MYO5C: variants seen among roughly 807,000 people sequenced by gnomAD.
MYO5C encodes myosin VC.
A neutral mutation model predicts 235.7 loss-of-function variants in MYO5C; 194 were observed. That is an observed-to-expected ratio of 0.82 (90% CI 0.73 to 0.93). The LOEUF (loss-of-function observed/expected upper bound fraction) is 0.93. Ranked by LOEUF, MYO5C falls within the 40% of genes least tolerant of loss-of-function variation. The pLI is 0.00. For synonymous variants in MYO5C, 707 were observed against 754.8 expected (o/e 0.94, Z 1.04); for missense variants, 2,038 against 2,127.2 (o/e 0.96, Z 0.82).
chr15:52,233,301 A>T lies in MYO5C; in HGVS notation c.2963-616T>A, dbSNP rs1398562623. ...CTCAAAAAAAAAAAAAAAAAAATTA[A>T]AAAAAAAAAAAAATAAATAAATAAA... is the stretch of plus-strand genomic sequence containing the variant. On this transcript the variant is annotated intron_variant, in intron 23 of 40. Coordinates refer to ENST00000261839, the MANE Select transcript of MYO5C (RefSeq NM_018728.4). 9.9e-5 allele frequency among the ~76,000 whole-genome samples: 14 copies of T among 141,856 alleles called. 6 individuals carry two copies. The highest frequency in any genetic ancestry group is 8.4e-4 in the Admixed American group (12 of 14,264). The allele number at this position is 141,856 out of a possible 152,430, so 93.1% of individuals were successfully genotyped here. A position where few individuals can be genotyped will look rare whatever the true frequency, so the allele number is the denominator to read the frequency against.
At position 52,286,753 on chromosome 15, in the gene MYO5C, G is replaced by T. The variant is rs1179787829; in HGVS notation, c.28-3861C>A. On this transcript the variant is annotated intron_variant, in intron 1 of 40. Coordinates refer to ENST00000261839, the MANE Select transcript of MYO5C (RefSeq NM_018728.4). ...AATGCTTGAAGGCAGCATGCTCGTT[G>T]AGAGTCATCACCACTCCCTAATCTC... Among the ~76,000 whole-genome samples, 6 of 151,838 alleles carry T rather than the reference G, an allele frequency of 4.0e-5. No homozygotes were observed. The South Asian group carries it at 1.2e-3, about 31-fold the overall frequency.
chr15:52,273,864 C>T (rs1392590016), intron 5 of MYO5C, among the ~76,000 whole-genome samples: 1 of 152,056 alleles, frequency 6.6e-6, no homozygotes, highest in East Asian at 1.9e-4. Context: ...CTCATTCAGG[C>T]CCCAAATACC....
chr15:52,253,348 C>T lies in MYO5C; in HGVS notation c.1505G>A (p.Gly502Glu). The T allele has an allele frequency of 6.2e-7, 1 of 1,612,794 alleles. No individual in the cohort carries two copies. ...PVIDLIEAKM[G>E]ILELLDEECL... ...TTCTTCATCCAGTAACTCCAGAATT[C>T]CCATTTTTGCTTCAATCAGGTCAAT... Residue 502 changes from glycine (G) to glutamate (E), a missense_variant, in exon 12 of 41, where the codon GGA becomes GAA. Coordinates refer to ENST00000261839, the MANE Select transcript of MYO5C (RefSeq NM_018728.4).
Position 52,285,401 on chromosome 15 carries a change from CCCTCTCCCT to C in MYO5C, c.28-2518_28-2510del, listed in dbSNP as rs1204474481. ...AAAAAAACAAACAGGCTCTCGCTCT[CCCTCTCCCT>C]CCTCTCCCTCCTCTCCCTCTCCCTC... On this transcript the variant is annotated intron_variant, in intron 1 of 40. Transcript: ENST00000261839. 3.0e-4 allele frequency among the ~76,000 whole-genome samples: 39 copies of C among 131,040 alleles called. No individual in the cohort carries two copies. The East Asian group carries it at 4.7e-3, about 16-fold the overall frequency. The allele number at this position is 131,040 out of a possible 152,430, so 86.0% of individuals were successfully genotyped here.
chr15:52,204,796 G>A, intron 38 of MYO5C, 69 bp downstream of exon 38: 1 of 1,547,340 alleles, frequency 6.5e-7, no homozygotes, highest in Admixed American at 1.8e-5. Context: ...TCAGGCGCGT[G>A]GGGCCTCGGA....
chr15:52,194,362 A>C (rs1306321756), intron 40 of MYO5C, among the ~76,000 whole-genome samples: 2 of 152,208 alleles, frequency 1.3e-5, no homozygotes, highest in African/African-American at 4.8e-5. Flanking sequence ...AAGGTCAAAC[A>C]TGAGTAGATT....
intron 22 of MYO5C, 45 bp downstream of exon 22, chr15:52,237,435 CAG>C (rs764693703): frequency 8.9e-6 from 14 of 1,576,552 alleles, no homozygotes; most frequent in Middle Eastern, 3.4e-4. Flanking sequence ...ATCTTTTTCA[CAG>C]AGAGTCCGCA....
chr15:52,284,346 T>C (rs774939623), intron 1 of MYO5C, among the ~76,000 whole-genome samples: 34 of 151,816 alleles, frequency 2.2e-4, no homozygotes, highest in Admixed American at 1.4e-3. Context: ...CACAAATGAG[T>C]ACCTCCTATG....
At chr15:52,255,376 G>A (rs571783101) in intron 11 of MYO5C, among the ~76,000 whole-genome samples, 1 of 152,316 alleles carries the variant, frequency 6.6e-6, no homozygotes, top group African/African-American at 2.4e-5. Context: ...AACTGTTAGG[G>A]TATTAAAGTG....
chr15:52,250,029 T>G (rs904995168), intron 13 of MYO5C, among the ~76,000 whole-genome samples: 7 of 152,172 alleles, frequency 4.6e-5, no homozygotes, highest in Non-Finnish European at 7.3e-5. Context: ...AACTACATCC[T>G]ATAAAGAGAG....
chr15:52,253,191 T>C (rs1367218813), intron 12 of MYO5C, 126 bp downstream of exon 12: 1 of 982,562 alleles, frequency 1.0e-6, no homozygotes, highest in Non-Finnish European at 1.5e-6. Context: ...GTCCCAGCAT[T>C]AATATCCATC....
At chr15:52,288,883 C>T (rs1029184907) in intron 1 of MYO5C, among the ~76,000 whole-genome samples, 18 of 152,164 alleles carry the variant, frequency 1.2e-4, no homozygotes, top group African/African-American at 4.3e-4. Flanking sequence ...ACCACTGAAC[C>T]TTATGAGCTC....
At position 52,192,665 on chromosome 15, in the gene MYO5C, C is replaced by A. The variant is rs776397727; in HGVS notation, c.*1237G>T. 1.3e-5 allele frequency: 2 copies of A among 152,126 alleles called. No homozygotes were observed. Among genetic ancestry groups the A allele is most frequent in the Admixed American group, 6.6e-5 (1 of 15,260 alleles). The allele number at this position is 152,126 out of a possible 1,614,324, so 9.4% of individuals were successfully genotyped here. A position where few individuals can be genotyped will look rare whatever the true frequency, so the allele number is the denominator to read the frequency against. ...GAAGGAATGAGAAGGTGTGCCGGGA[C>A]AAGGAATAGCCAGTTCCCATAAAAC... On this transcript the variant is annotated 3_prime_UTR_variant, in exon 41 of 41. Coordinates refer to ENST00000261839, the MANE Select transcript of MYO5C (RefSeq NM_018728.4).
chr15:52,241,294 C>G (rs2036217378), intron 20 of MYO5C, among the ~76,000 whole-genome samples: 2 of 111,162 alleles, frequency 1.8e-5, no homozygotes, highest in Admixed American at 2.8e-4. Context: ...GAGTCTCACT[C>G]TGTCACCCAG....
chr15:52,221,505 C>T (rs980242146), intron 29 of MYO5C, among the ~76,000 whole-genome samples: 1 of 152,076 alleles, frequency 6.6e-6, no homozygotes, highest in Non-Finnish European at 1.5e-5. Context: ...AGGATGTGTA[C>T]ATGTATAGAA....
In MYO5C at chr15:52,295,621, G is replaced by T. The variant is rs1236405599; in HGVS notation, c.16C>A (p.Leu6Met). 1 of 1,487,250 alleles carries T rather than the reference G, an allele frequency of 6.7e-7. No individual in the cohort carries two copies. Among genetic ancestry groups the T allele is most frequent in the African/African-American group, 1.5e-5 (1 of 68,130 alleles). 92.1% of individuals were successfully genotyped at this position (1,487,250 alleles called of 1,614,324 possible). A position where few individuals can be genotyped will look rare whatever the true frequency, so the allele number is the denominator to read the frequency against. The stretch of plus-strand genomic sequence containing the variant: ...GCGGACCCTCCTACCTGCGTGTACA[G>T]CTCGGCCACCGCCATGGGCAGGAGG... Reference protein sequence around the residue: MAVAELYTQYNRVWIP... With the variant: MAVAEMYTQYNRVWIP... Residue 6 changes from leucine (L) to methionine (M), a missense_variant, in exon 1 of 41, where the codon CTG becomes ATG. Transcript: ENST00000261839.
chr15:52,210,305 C>G lies in MYO5C; in HGVS notation c.4296+1425G>C, dbSNP rs376170751. Among the ~76,000 whole-genome samples, 365 of 152,236 alleles carry G rather than the reference C, an allele frequency of 2.4e-3. 1 individual carries two copies. Among genetic ancestry groups the G allele is most frequent in the African/African-American group, 8.6e-3 (359 of 41,540 alleles). ...AAATAGAATTTAATTCCCCATTACT[C>G]TTTAGAACACATATTTTACTAAAAA... is the stretch of plus-strand genomic sequence containing the variant. On this transcript the variant is annotated intron_variant, in intron 35 of 40. Transcript: ENST00000261839.
chr15:52,235,601 T>G, intron 23 of MYO5C, 69 bp downstream of exon 23: 3 of 1,271,140 alleles, frequency 2.4e-6, no homozygotes, highest in Non-Finnish European at 3.3e-6. Flanking sequence ...CTAAAACTGG[T>G]CAACCCCAGT....
intron 6 of MYO5C, 103 bp from the exon 7 acceptor site, chr15:52,271,947 TTC>T: frequency 1.6e-6 from 1 of 615,410 alleles, no homozygotes; most frequent in Non-Finnish European, 2.7e-6. Flanking sequence ...GCATGGATAA[TTC>T]TCTGTCTGGG....
Sources: gnomAD v4.1 joint callset for allele counts (sites outside exome capture counted in the v4.1 genomes callset) on GRCh38, gnomAD v4.1.1 for gene constraint, MANE v1.5 for transcripts, NCBI Gene and HGNC (gene_info 2026-07-23, HGNC 2026-07-21) for gene names.